Variants in LIN9 observed in about 807,000 individuals in gnomAD.
LIN9 encodes lin-9 DREAM MuvB core complex component.
A neutral mutation model predicts 78.0 loss-of-function variants in LIN9; 18 were observed. The observed-to-expected ratio is 0.23, with a 90% CI of 0.16 to 0.34. LIN9 has a LOEUF of 0.34. Ranked by LOEUF, LIN9 falls within the 10% of genes least tolerant of loss-of-function variation. The pLI is 1.00. For missense variants in LIN9, 451 were observed against 644.1 expected (o/e 0.70, Z 3.25); for synonymous variants, 192 against 215.2 (o/e 0.89, Z 0.94).
At chr1:226,297,513 A>G (rs1363415219) in intron 3 of LIN9, among the ~76,000 whole-genome samples, 1 of 152,212 alleles carries the variant, frequency 6.6e-6, no homozygotes, top group East Asian at 1.9e-4. Flanking sequence ...CTATTACACA[A>G]TTACTGAACA....
In LIN9 at chr1:226,243,914, G is replaced by A. The variant is rs868311007; in HGVS notation, c.1120-4818C>T. On this transcript the variant is annotated intron_variant, in intron 11 of 14. Coordinates refer to ENST00000681046, the MANE Select transcript of LIN9 (RefSeq NM_001366245.2). ...TTTTGAGATGGAGTCTTGCTCTGTC[G>A]CCCAGGCTGGAGTGCAGTGGCACAA... 1.9e-4 allele frequency among the ~76,000 whole-genome samples: 29 copies of A among 150,644 alleles called. No individual in the cohort carries two copies. In the Middle Eastern group the frequency reaches 0.01, roughly 53 times the overall value.
intron 2 of LIN9, among the ~76,000 whole-genome samples, chr1:226,300,537 C>T (rs1483026061): frequency 6.6e-6 from 1 of 152,040 alleles, no homozygotes; most frequent in Non-Finnish European, 1.5e-5. Flanking sequence ...TGTGACAAAG[C>T]GAGACCCTGT....
chr1:226,233,465 C>T lies in LIN9; in HGVS notation c.1304G>A (p.Cys435Tyr), dbSNP rs995229369. 6.2e-7 allele frequency: 1 copy of T among 1,614,186 alleles called. No individual in the cohort carries two copies. The highest frequency in any genetic ancestry group is 8.5e-7 in the Non-Finnish European group (1 of 1,180,032). The change falls in exon 13 of 15, where the codon TGT (cysteine) becomes TAT (tyrosine). Residue 435 changes from cysteine to tyrosine, a missense_variant. Transcript: ENST00000681046. ...AACAATTTCCTGTGCTTCTTCCTCA[C>T]ACCTGCGTCTCATATCTGTTGGCTG... ...ADQPTDMRRR[C>Y]EEEAQEIVRH...
intron 7 of LIN9, among the ~76,000 whole-genome samples, chr1:226,274,995 A>G (rs1442804453): frequency 3.3e-5 from 5 of 152,070 alleles, no homozygotes; most frequent in Non-Finnish European, 5.9e-5. Context: ...TGGCTTTTTT[A>G]TTGACTTATG....
upstream of LIN9, chr1:226,309,714 G>A (rs761624270): frequency 3.1e-6 from 4 of 1,287,868 alleles, no homozygotes; most frequent in Non-Finnish European, 4.1e-6. Context: ...GCGTCGCGAC[G>A]TCCGGGACTC....
chr1:226,268,618 C>T (rs1660077377), intron 7 of LIN9, among the ~76,000 whole-genome samples: 1 of 152,070 alleles, frequency 6.6e-6, no homozygotes. Context: ...ATTGTGCAAA[C>T]GATGTGGTTA....
intron 7 of LIN9, among the ~76,000 whole-genome samples, chr1:226,268,830 T>A (rs1660091055): frequency 1.3e-5 from 2 of 152,232 alleles, no homozygotes; most frequent in Non-Finnish European, 2.9e-5. Flanking sequence ...GAGAGGACTT[T>A]TGAAAACTTG....
intron 4 of LIN9, among the ~76,000 whole-genome samples, chr1:226,294,768 T>A (rs912317240): frequency 1.4e-4 from 21 of 152,080 alleles, no homozygotes; most frequent in African/African-American, 1.9e-4. Context: ...AATATTTCCC[T>A]ATCTAATTTT....
At chr1:226,249,376 T>C (rs1461254370) in intron 11 of LIN9, among the ~76,000 whole-genome samples, 1 of 152,228 alleles carries the variant, frequency 6.6e-6, no homozygotes, top group East Asian at 1.9e-4. Flanking sequence ...ATAATACTAA[T>C]TTCATGTTAT....
At chr1:226,295,151 C>T (rs1341898965) in intron 4 of LIN9, among the ~76,000 whole-genome samples, 1 of 152,006 alleles carries the variant, frequency 6.6e-6, no homozygotes, top group Admixed American at 6.6e-5. Context: ...CGATTTCATG[C>T]TAAATATTTT....
chr1:226,244,776 T>C (rs544515238), intron 11 of LIN9, among the ~76,000 whole-genome samples: 18 of 152,242 alleles, frequency 1.2e-4, no homozygotes. Context: ...CATCCTTGTA[T>C]GCGCATCTTC....
At chr1:226,297,863 T>G in intron 2 of LIN9, 50 bp from the exon 3 acceptor site, 2 of 1,006,674 alleles carry the variant, frequency 2.0e-6, no homozygotes, top group Non-Finnish European at 2.9e-6. Context: ...TTCAAAGGAT[T>G]TCATACCATG....
chr1:226,307,752 G>T (rs1435716281), intron 1 of LIN9, among the ~76,000 whole-genome samples: 1 of 152,202 alleles, frequency 6.6e-6, no homozygotes, highest in East Asian at 1.9e-4. Flanking sequence ...AGCTACATGT[G>T]ACTATGCAAG....
rs150665754 is a variant in LIN9, at chr1:226,294,721, A to C, written c.264+1121T>G. ...GGGAATGATTATATCAGAAGTTATA[A>C]ATTGAATAAGACAAAAATTACATTA... is the stretch of plus-strand genomic sequence containing the variant. On this transcript the variant is annotated intron_variant, in intron 4 of 14. Coordinates refer to ENST00000681046, the MANE Select transcript of LIN9 (RefSeq NM_001366245.2). Among the ~76,000 whole-genome samples, 645 of 152,340 alleles carry C rather than the reference A, an allele frequency of 4.2e-3. 7 individuals carry two copies. The highest frequency in any genetic ancestry group is 0.015 in the African/African-American group (616 of 41,582).
chr1:226,255,878 T>C (rs772425506), intron 10 of LIN9, among the ~76,000 whole-genome samples: 1 of 151,378 alleles, frequency 6.6e-6, no homozygotes, highest in Non-Finnish European at 1.5e-5. Context: ...CTACAAAAGG[T>C]ATAACTTATG....
intron 11 of LIN9, among the ~76,000 whole-genome samples, chr1:226,250,317 T>C (rs1336461391): frequency 6.6e-6 from 1 of 152,184 alleles, no homozygotes; most frequent in African/African-American, 2.4e-5. Flanking sequence ...TTACTTATTC[T>C]GAAACATTTT....
At chr1:226,276,004 G>A (rs1660634015) in intron 7 of LIN9, among the ~76,000 whole-genome samples, 1 of 151,884 alleles carries the variant, frequency 6.6e-6, no homozygotes, top group South Asian at 2.1e-4. Flanking sequence ...CTCCAGCCTG[G>A]GCAACAGAGC....
chr1:226,303,885 C>T (rs898415953), intron 1 of LIN9, among the ~76,000 whole-genome samples: 2 of 152,212 alleles, frequency 1.3e-5, no homozygotes, highest in Non-Finnish European at 2.9e-5. Context: ...GGATTATAGG[C>T]GTGAGCCACC....
chr1:226,283,358 T>G (rs1198119638), intron 6 of LIN9, among the ~76,000 whole-genome samples: 1 of 137,948 alleles, frequency 7.2e-6, no homozygotes, highest in African/African-American at 2.7e-5. Flanking sequence ...GTTCCTGAGC[T>G]CAAGTGATCT....
Sources: allele counts gnomAD v4.1 joint callset (sites outside exome capture counted in the v4.1 genomes callset), GRCh38; gene constraint gnomAD v4.1.1; transcripts MANE v1.5; gene names NCBI Gene and HGNC (gene_info 2026-07-23, HGNC 2026-07-21).